DISC1: variants seen among roughly 807,000 people sequenced by gnomAD.
The protein encoded by DISC1 is DISC1 scaffold protein.
Under a neutral mutation model 84.5 loss-of-function variants are expected in DISC1, and 57 were observed. The observed-to-expected ratio is 0.67, with a 90% CI of 0.55 to 0.84. DISC1 has a LOEUF of 0.84. Ranked by LOEUF, DISC1 falls within the 40% of genes least tolerant of loss-of-function variation. The pLI is 0.00. For synonymous variants in DISC1, 411 were observed against 415.2 expected, an observed-to-expected ratio of 0.99 and a Z score of 0.12; for missense variants, 1,000 against 1,057.8, an observed-to-expected ratio of 0.95 and a Z score of 0.76.
At chr1:231,635,786 C>T (rs543297186) in intron 1 of DISC1, among the ~76,000 whole-genome samples, 1 of 152,056 alleles carries the variant, frequency 6.6e-6, no homozygotes, top group Non-Finnish European at 1.5e-5. Context: ...ACTATGATAG[C>T]TCTTGAATAT....
intron 11 of DISC1, among the ~76,000 whole-genome samples, chr1:232,017,468 G>A (rs200618441): frequency 6.9e-5 from 10 of 145,866 alleles, no homozygotes; most frequent in Non-Finnish European, 1.2e-4. Context: ...TGGCCATAAG[G>A]GAACACCTGT....
intron 9 of DISC1, among the ~76,000 whole-genome samples, chr1:231,828,448 A>T (rs2082011056): frequency 6.6e-6 from 1 of 152,194 alleles, no homozygotes; most frequent in African/African-American, 2.4e-5. Context: ...AAGGTCACCA[A>T]ACACGGACAT....
At chr1:231,912,795 TTCTTTCTTTC>T (rs1209390646) in intron 9 of DISC1, among the ~76,000 whole-genome samples, 3 of 135,816 alleles carry the variant, frequency 2.2e-5, no homozygotes, top group East Asian at 4.3e-4. Flanking sequence ...CTTTCTTTCT[TTCTTTCTTTC>T]TTTTTCTTTC....
At chr1:231,903,933 G>T (rs2088412579) in intron 9 of DISC1, among the ~76,000 whole-genome samples, 1 of 152,228 alleles carries the variant, frequency 6.6e-6, no homozygotes, top group Non-Finnish European at 1.5e-5. Flanking sequence ...AGAGACTATA[G>T]AGAGTCAGGC....
At chr1:231,725,402 A>C (rs2070498796) in intron 3 of DISC1, among the ~76,000 whole-genome samples, 2 of 152,208 alleles carry the variant, frequency 1.3e-5, no homozygotes, top group Admixed American at 6.5e-5. Context: ...TTAGCATAAG[A>C]CATCCCACCA....
At chr1:231,712,147 A>G (rs905608075) in intron 3 of DISC1, among the ~76,000 whole-genome samples, 1 of 152,214 alleles carries the variant, frequency 6.6e-6, no homozygotes, top group Admixed American at 6.5e-5. Context: ...GCTGGAAGAG[A>G]CAAGGACAGG....
intron 9 of DISC1, among the ~76,000 whole-genome samples, chr1:231,825,177 T>A (rs1316930877): frequency 6.6e-6 from 1 of 152,234 alleles, no homozygotes; most frequent in Admixed American, 6.5e-5. Flanking sequence ...TACATCTTTT[T>A]TCACTTGTCT....
chr1:231,839,503 A>G (rs1314845466), intron 9 of DISC1, among the ~76,000 whole-genome samples: 1 of 152,194 alleles, frequency 6.6e-6, no homozygotes, highest in African/African-American at 2.4e-5. Flanking sequence ...AGAAGTGGAC[A>G]GAGCCAAACC....
rs891319220 is a variant in DISC1 at position 231,912,972 on chromosome 1, A to G, written c.1982-45856A>G. Among the ~76,000 whole-genome samples, 4 of 149,424 alleles carry G rather than the reference A, an allele frequency of 2.7e-5. No homozygotes were observed. The East Asian group carries it at 5.9e-4, about 22-fold the overall frequency. On this transcript the variant is annotated intron_variant, in intron 9 of 12. Coordinates refer to ENST00000439617, the MANE Select transcript of DISC1 (RefSeq NM_018662.3). ...ACCCAAGCTTGAGTGCAGTGGTTCC[A>G]TCTTGGCTTACTGCAGCCTCCACCT...
intron 10 of DISC1, among the ~76,000 whole-genome samples, chr1:231,978,669 G>A (rs955907923): frequency 1.3e-5 from 2 of 152,108 alleles, no homozygotes; most frequent in Non-Finnish European, 2.9e-5. Context: ...CCCATCTTTA[G>A]CCAATGAGAG....
intron 9 of DISC1, among the ~76,000 whole-genome samples, chr1:231,828,176 T>G (rs963986791): frequency 6.6e-6 from 1 of 152,214 alleles, no homozygotes; most frequent in African/African-American, 2.4e-5. Flanking sequence ...TCTGATATTT[T>G]CCTTCCCCAA....
chr1:231,719,211 A>G (rs1272072038), intron 3 of DISC1, among the ~76,000 whole-genome samples: 1 of 152,206 alleles, frequency 6.6e-6, no homozygotes, highest in African/African-American at 2.4e-5. Flanking sequence ...GTGTTTTAGC[A>G]TAGCTATTGG....
intron 10 of DISC1, among the ~76,000 whole-genome samples, chr1:231,983,649 G>A (rs1479735082): frequency 7.1e-6 from 1 of 141,012 alleles, no homozygotes; most frequent in African/African-American, 2.7e-5. Context: ...GTTGGGGGGA[G>A]GGGGTGGAGG....
chr1:231,655,533 A>G (rs970235657), intron 1 of DISC1, among the ~76,000 whole-genome samples: 1 of 152,118 alleles, frequency 6.6e-6, no homozygotes, highest in Admixed American at 6.5e-5. Context: ...TAGCTTTGCA[A>G]TTGTGAATTG....
chr1:231,753,580 T>A (rs1203231969), intron 4 of DISC1, among the ~76,000 whole-genome samples: 13 of 152,246 alleles, frequency 8.5e-5, no homozygotes, highest in Non-Finnish European at 4.4e-5. Context: ...GTCTCTGAAA[T>A]GCCTCTGAGG....
At chr1:232,024,556 A>T (rs897543448) in intron 11 of DISC1, among the ~76,000 whole-genome samples, 4 of 151,958 alleles carry the variant, frequency 2.6e-5, no homozygotes, top group Non-Finnish European at 4.4e-5. Flanking sequence ...GTAAACTTGT[A>T]GTTTAAGATG....
At chr1:231,952,128 G>GAAAAAGAA (rs1658538272) in intron 9 of DISC1, among the ~76,000 whole-genome samples, 1 of 133,402 alleles carries the variant, frequency 7.5e-6, no homozygotes, top group African/African-American at 2.7e-5. Context: ...AGAAAAGAAA[G>GAAAAAGAA]AAAAAGAAAA....
At chr1:231,969,657 T>C (rs1452518741) in intron 10 of DISC1, among the ~76,000 whole-genome samples, 1 of 151,616 alleles carries the variant, frequency 6.6e-6, no homozygotes, top group Non-Finnish European at 1.5e-5. Context: ...CTTGCAGGTT[T>C]GTTACATATG....
chr1:231,821,174 A>C (rs971785651), intron 9 of DISC1, among the ~76,000 whole-genome samples: 2 of 152,198 alleles, frequency 1.3e-5, no homozygotes, highest in Non-Finnish European at 2.9e-5. Flanking sequence ...CTGGGGCCAG[A>C]TGTTAAAATG....
Sources: allele counts gnomAD v4.1 joint callset (sites outside exome capture counted in the v4.1 genomes callset), GRCh38; gene constraint gnomAD v4.1.1; transcripts MANE v1.5; gene names NCBI Gene and HGNC (gene_info 2026-07-23, HGNC 2026-07-21).